Variants in BRINP2 observed in about 807,000 individuals in gnomAD.
BRINP2 encodes the protein BMP/retinoic acid-inducible neural-specific protein 2.
BRINP2 carries 21 observed loss-of-function variants against 69.2 expected under a neutral mutation model. The ratio of observed to expected loss-of-function variants is 0.30; its 90% CI spans 0.22 to 0.44. The LOEUF is 0.44. Ranked by LOEUF, BRINP2 falls within the 20% of genes least tolerant of loss-of-function variation. The pLI is 1.00. For synonymous variants in BRINP2, 380 were observed against 394.1 expected, an observed-to-expected ratio of 0.96 and a Z score of 0.42; for missense variants, 877 against 986.0, an observed-to-expected ratio of 0.89 and a Z score of 1.48.
chr1:177,229,826 G>C lies in BRINP2; in HGVS notation c.-51G>C. 4 of 1,537,354 alleles carry C rather than the reference G, an allele frequency of 2.6e-6. No individual in the cohort carries two copies. Among genetic ancestry groups the C allele is most frequent in the Non-Finnish European group, 3.5e-6 (4 of 1,137,724 alleles). The stretch of plus-strand genomic sequence containing the variant: ...CTCCGAGCCCTGGAGGAGCAGCACG[G>C]AGCGGGAGAGCGTGGCGAGAGAATG... On this transcript the variant is annotated 5_prime_UTR_variant, in exon 2 of 8. Transcript: ENST00000361539.
chr1:177,280,618 A>C lies in BRINP2; in HGVS notation c.1442A>C (p.Asn481Thr). Residue 481 changes from asparagine to threonine, a missense_variant, in exon 8 of 8, where the codon AAC (asparagine) becomes ACC (threonine). Transcript: ENST00000361539. ...PDNSTRCGSCNPGYVLAQGLC... is the reference protein window; with the variant it reads ...PDNSTRCGSCTPGYVLAQGLC... ...AATAGCACACGCTGTGGGAGCTGCA[A>C]CCCGGGCTATGTGCTGGCCCAGGGG... 1 of 1,614,084 alleles carries C rather than the reference A, an allele frequency of 6.2e-7. No individual in the cohort carries two copies. The highest frequency in any genetic ancestry group is 8.5e-7 in the Non-Finnish European group (1 of 1,180,008).
chr1:177,244,289 T>C (rs76139557), intron 2 of BRINP2, among the ~76,000 whole-genome samples: 5,849 of 152,252 alleles, frequency 0.038, 168 homozygotes, highest in Non-Finnish European at 0.063. Context: ...AGAAAATATA[T>C]ATAGCAGCAA....
intron 4 of BRINP2, among the ~76,000 whole-genome samples, chr1:177,271,864 G>A (rs1227489928): frequency 6.6e-6 from 1 of 151,914 alleles, no homozygotes; most frequent in Non-Finnish European, 1.5e-5. Flanking sequence ...TAAAGCCTTC[G>A]TGGACTACTT....
At chr1:177,203,744 C>G (rs1648989771) in intron 1 of BRINP2, among the ~76,000 whole-genome samples, 1 of 151,980 alleles carries the variant, frequency 6.6e-6, no homozygotes, top group African/African-American at 2.4e-5. Context: ...TAAAACGGAC[C>G]AAAAGAAATA....
chr1:177,225,795 G>T (rs1288584071), intron 1 of BRINP2, among the ~76,000 whole-genome samples: 1 of 152,238 alleles, frequency 6.6e-6, no homozygotes, highest in Non-Finnish European at 1.5e-5. Context: ...TTTGAAACCT[G>T]TTTAAAACTT....
chr1:177,209,453 G>A (rs1410816400), intron 1 of BRINP2, among the ~76,000 whole-genome samples: 10 of 152,088 alleles, frequency 6.6e-5, no homozygotes, highest in Admixed American at 4.6e-4. Context: ...GATCTGCCTG[G>A]GCCATCCTCA....
At chr1:177,193,479 G>GA (rs1439951091) in intron 1 of BRINP2, among the ~76,000 whole-genome samples, 1 of 152,154 alleles carries the variant, frequency 6.6e-6, no homozygotes, top group African/African-American at 2.4e-5. Flanking sequence ...AATTATAGGG[G>GA]ATGTGGCCAG....
intron 2 of BRINP2, among the ~76,000 whole-genome samples, chr1:177,237,644 G>A (rs902109310): frequency 1.1e-4 from 16 of 152,222 alleles, no homozygotes; most frequent in Admixed American, 9.2e-4. Flanking sequence ...ATGGCCAAGG[G>A]GGGAAGGGAA....
chr1:177,216,190 T>A (rs1389681819), intron 1 of BRINP2, among the ~76,000 whole-genome samples: 3 of 152,132 alleles, frequency 2.0e-5, no homozygotes, highest in Non-Finnish European at 4.4e-5. Context: ...GATATTTTCT[T>A]TCTTCCTCCA....
rs1055413677 is a variant in BRINP2 at position 177,231,653 on chromosome 1, G to A, written c.269+1508G>A. Among the ~76,000 whole-genome samples the A allele has an allele frequency of 2.0e-5, 3 of 152,162 alleles. No homozygotes were observed. The East Asian group carries it at 5.8e-4, about 29-fold the overall frequency. On this transcript the variant is annotated intron_variant, in intron 2 of 7. Transcript: ENST00000361539. ...ATCACCTACCCAGCTCTCCTTTCAG[G>A]CCATTTTTCTCCCACTGTGCTTAGA...
At chr1:177,257,525 C>G in intron 4 of BRINP2, 141 bp downstream of exon 4, 1 of 808,070 alleles carries the variant, frequency 1.2e-6, no homozygotes, top group South Asian at 1.9e-5. Flanking sequence ...ACACAGCCAG[C>G]CTTCAGACAC....
chr1:177,218,327 A>G (rs1483759104), intron 1 of BRINP2, among the ~76,000 whole-genome samples: 1 of 152,072 alleles, frequency 6.6e-6, no homozygotes, highest in African/African-American at 2.4e-5. Context: ...GACTCAAGCC[A>G]TGTAACCCTT....
chr1:177,259,364 A>G (rs1165786413), intron 4 of BRINP2, among the ~76,000 whole-genome samples: 1 of 152,150 alleles, frequency 6.6e-6, no homozygotes, highest in Non-Finnish European at 1.5e-5. Context: ...ATGAGATTGG[A>G]GGAAAGAACC....
chr1:177,281,537 C>A lies in BRINP2; in HGVS notation c.*9C>A. ...GCAAACTCTGTAGCTAATGGGCGGC[C>A]CACTTCAGCACTGGGCAAGGAGGGG... On this transcript the variant is annotated 3_prime_UTR_variant, in exon 8 of 8. Coordinates refer to ENST00000361539, the MANE Select transcript of BRINP2 (RefSeq NM_021165.4). 1.3e-6 allele frequency: 2 copies of A among 1,587,264 alleles called. No homozygotes were observed. Among genetic ancestry groups the A allele is most frequent in the South Asian group, 2.3e-5 (2 of 88,082 alleles).
chr1:177,199,134 A>G (rs936350637), intron 1 of BRINP2, among the ~76,000 whole-genome samples: 2 of 152,200 alleles, frequency 1.3e-5, no homozygotes, highest in African/African-American at 4.8e-5. Flanking sequence ...TCTTTGACCT[A>G]TTTTAAGATA....
At position 177,229,796 on chromosome 1, in the gene BRINP2, T is replaced by C; in HGVS notation, c.-76-5T>C. 1 of 1,500,352 alleles carries C rather than the reference T, an allele frequency of 6.7e-7. No individual in the cohort carries two copies. Among genetic ancestry groups the C allele is most frequent in the Non-Finnish European group, 8.9e-7 (1 of 1,122,180 alleles). 92.9% of individuals were successfully genotyped at this position (1,500,352 alleles called of 1,614,324 possible). A position where few individuals can be genotyped will look rare whatever the true frequency, so the allele number is the denominator to read the frequency against. On this transcript the variant is annotated splice_polypyrimidine_tract_variant and splice_region_variant and intron_variant, in intron 1 of 7. Coordinates refer to ENST00000361539, the MANE Select transcript of BRINP2 (RefSeq NM_021165.4). ...CAAATGACAATGCCTTTTGTACTTT[T>C]CCAGCTCCGAGCCCTGGAGGAGCAG... is the stretch of plus-strand genomic sequence containing the variant.
rs60865122 is a variant in BRINP2 at position 177,195,932 on chromosome 1, C to T, written c.-77+24200C>T. ...TTAAAAGGGTTTGGTGTACTCCCCT[C>T]TCTGGGCTGTTGCCTCAAAGCATTT... is the stretch of plus-strand genomic sequence containing the variant. On this transcript the variant is annotated intron_variant, in intron 1 of 7. Transcript: ENST00000361539. 5.0e-3 allele frequency among the ~76,000 whole-genome samples: 757 copies of T among 152,306 alleles called. 7 individuals carry two copies. Among genetic ancestry groups the T allele is most frequent in the African/African-American group, 0.017 (726 of 41,582 alleles).
intron 1 of BRINP2, 38 bp downstream of exon 1, chr1:177,171,770 T>A (rs1647939811): frequency 6.6e-6 from 1 of 152,202 alleles, no homozygotes; most frequent in Non-Finnish European, 1.5e-5. Context: ...TCTCCCCTTT[T>A]CATTGTCCTT....
intron 1 of BRINP2, among the ~76,000 whole-genome samples, chr1:177,197,417 G>A (rs72720762): frequency 0.051 from 7,723 of 152,134 alleles, 318 homozygotes; most frequent in South Asian, 0.17. Flanking sequence ...TCCAAGATTG[G>A]GGATTACAGT....
Sources: gnomAD v4.1 joint callset for allele counts (sites outside exome capture counted in the v4.1 genomes callset) on GRCh38, gnomAD v4.1.1 for gene constraint, MANE v1.5 for transcripts, NCBI Gene and HGNC (gene_info 2026-07-23, HGNC 2026-07-21) for gene names.